The following GABRB2 variants were observed in gnomAD, a reference collection of about 807,000 sequenced individuals.
The protein encoded by GABRB2 is gamma-aminobutyric acid receptor subunit beta-2.
Under a neutral mutation model 54.7 loss-of-function variants are expected in GABRB2, and 16 were observed. The ratio of observed to expected loss-of-function variants is 0.29; its 90% confidence interval spans 0.20 to 0.44. GABRB2 has a LOEUF of 0.44. Among genes scored for constraint, GABRB2 ranks in the 20% least tolerant of loss-of-function variants. The probability of loss-of-function intolerance (pLI) is 1.00; values close to 1 mark genes in which losing one functional copy is unlikely to be tolerated. For synonymous variants in GABRB2, 244 were observed against 233.8 expected (o/e 1.04, Z -0.40); for missense variants, 355 against 644.0 (o/e 0.55, Z 4.86).
chr5:161,316,645 T>A (rs1459525698), intron 9 of GABRB2, among the ~76,000 whole-genome samples: 1 of 152,128 alleles, frequency 6.6e-6, no homozygotes, highest in African/African-American at 2.4e-5. Flanking sequence ...TCTCACTCTG[T>A]TGCCCAGGCT....
chr5:161,336,605 C>T (rs1345079929), intron 6 of GABRB2, 27 bp downstream of exon 6: 3 of 1,608,332 alleles, frequency 1.9e-6, no homozygotes, highest in Non-Finnish European at 2.5e-6. Flanking sequence ...AGATTATTTT[C>T]CCTTAACACT....
chr5:161,400,467 G>A (rs1170734417), intron 5 of GABRB2, among the ~76,000 whole-genome samples: 3 of 152,082 alleles, frequency 2.0e-5, no homozygotes, highest in Admixed American at 2.0e-4. Flanking sequence ...CCCACAGAGA[G>A]ATTTATAATA....
chr5:161,534,835 A>G (rs957316680), intron 3 of GABRB2, among the ~76,000 whole-genome samples: 1 of 152,192 alleles, frequency 6.6e-6, no homozygotes. Flanking sequence ...ACCACCTTTA[A>G]GAGAATCATA....
chr5:161,523,794 A>G lies in GABRB2; in HGVS notation c.237+21433T>C, dbSNP rs138874973. Among the ~76,000 whole-genome samples, 174 of 151,116 alleles carry G rather than the reference A, an allele frequency of 1.2e-3. 3 individuals are homozygous for G. The East Asian group carries it at 0.022, about 19-fold the overall frequency. On this transcript the variant is annotated intron_variant, in intron 3 of 9. Coordinates refer to ENST00000393959, the MANE Select transcript of GABRB2 (RefSeq NM_001371727.1). ...CATTGCTACACAGGATCTTATATAT[A>G]TACTGTAGGACTACTATGATCCTGC... is the stretch of plus-strand genomic sequence containing the variant.
At chr5:161,504,762 A>G (rs1561674630) in intron 3 of GABRB2, among the ~76,000 whole-genome samples, 1 of 152,008 alleles carries the variant, frequency 6.6e-6, no homozygotes, top group African/African-American at 2.4e-5. Context: ...GAATTAAAAA[A>G]AAAAGGTATA....
chr5:161,452,325 G>A (rs926179436), intron 4 of GABRB2, among the ~76,000 whole-genome samples: 3 of 152,176 alleles, frequency 2.0e-5, no homozygotes, highest in African/African-American at 7.2e-5. Flanking sequence ...AATGGGCTTA[G>A]GGAAGCTAGA....
intron 4 of GABRB2, among the ~76,000 whole-genome samples, chr5:161,446,994 C>T (rs568142150): frequency 1.2e-4 from 19 of 152,200 alleles, no homozygotes; most frequent in African/African-American, 4.6e-4. Context: ...TCATCTCCCT[C>T]TTATCCTGAT....
Position 161,540,256 on chromosome 5 carries a change from G to A in GABRB2, c.237+4971C>T, listed in dbSNP as rs191237605. On this transcript the variant is annotated intron_variant, in intron 3 of 9. Coordinates refer to ENST00000393959, the MANE Select transcript of GABRB2 (RefSeq NM_001371727.1). ...TGTTGTCACTTCAACAATGTTCACA[G>A]CGTCTTCACCAAAAGTAGATTCCAT... Among the ~76,000 whole-genome samples the A allele has an allele frequency of 1.7e-3, 262 of 152,346 alleles. 1 individual carries two copies. Among genetic ancestry groups the A allele is most frequent in the African/African-American group, 6.0e-3 (250 of 41,584 alleles).
intron 4 of GABRB2, among the ~76,000 whole-genome samples, chr5:161,415,920 T>TG (rs1756651228): frequency 7.2e-6 from 1 of 138,446 alleles, no homozygotes; most frequent in African/African-American, 2.9e-5. Flanking sequence ...GCCCCAAGTT[T>TG]GTTTTTGTTT....
intron 3 of GABRB2, among the ~76,000 whole-genome samples, chr5:161,539,636 G>T: frequency 6.6e-6 from 1 of 152,136 alleles, no homozygotes. Context: ...TAAGACAGCA[G>T]CTGGAGTGGA....
intron 3 of GABRB2, among the ~76,000 whole-genome samples, chr5:161,521,547 T>C (rs899976199): frequency 2.6e-5 from 4 of 151,972 alleles, no homozygotes. Flanking sequence ...ACACTTGTTA[T>C]GTTCACCTCA....
intron 3 of GABRB2, among the ~76,000 whole-genome samples, chr5:161,462,686 T>C (rs1758149184): frequency 6.6e-6 from 1 of 152,182 alleles, no homozygotes; most frequent in Admixed American, 6.5e-5. Context: ...ATTTCTGTTA[T>C]TTGTCAGCAA....
chr5:161,506,961 C>A (rs180826039), intron 3 of GABRB2, among the ~76,000 whole-genome samples: 1 of 152,074 alleles, frequency 6.6e-6, no homozygotes, highest in Non-Finnish European at 1.5e-5. Flanking sequence ...CACAGGAGAA[C>A]GTCTCCAGAA....
intron 6 of GABRB2, among the ~76,000 whole-genome samples, chr5:161,336,328 T>C (rs1009452171): frequency 6.6e-6 from 1 of 152,150 alleles, no homozygotes; most frequent in Non-Finnish European, 1.5e-5. Context: ...AATGTTATAA[T>C]GTTGGGGAAC....
At chr5:161,504,910 A>G (rs1759557976) in intron 3 of GABRB2, among the ~76,000 whole-genome samples, 2 of 152,078 alleles carry the variant, frequency 1.3e-5, no homozygotes, top group African/African-American at 2.4e-5. Flanking sequence ...AAGAAGAAAT[A>G]GTAAATATGA....
At chr5:161,507,767 G>T (rs1011359573) in intron 3 of GABRB2, among the ~76,000 whole-genome samples, 2 of 151,950 alleles carry the variant, frequency 1.3e-5, no homozygotes, top group Non-Finnish European at 2.9e-5. Flanking sequence ...AACAGCATTA[G>T]TCATCAGAGA....
intron 3 of GABRB2, among the ~76,000 whole-genome samples, chr5:161,535,981 A>T (rs1201898247): frequency 2.0e-5 from 3 of 152,094 alleles, no homozygotes; most frequent in South Asian, 4.1e-4. Context: ...GTACCAGGTG[A>T]TGTCTCTGCA....
chr5:161,485,237 T>C (rs74743362), intron 3 of GABRB2, among the ~76,000 whole-genome samples: 2 of 151,946 alleles, frequency 1.3e-5, no homozygotes, highest in African/African-American at 4.8e-5. Flanking sequence ...CAACAATTCA[T>C]ATTTCTCCTG....
At chr5:161,523,519 T>G (rs1341416814) in intron 3 of GABRB2, among the ~76,000 whole-genome samples, 1 of 151,350 alleles carries the variant, frequency 6.6e-6, no homozygotes, top group African/African-American at 2.4e-5. Flanking sequence ...ACATCTGAAA[T>G]TACAACAATT....
Sources: allele counts gnomAD v4.1 joint callset (sites outside exome capture counted in the v4.1 genomes callset), GRCh38; gene constraint gnomAD v4.1.1; transcripts MANE v1.5; gene names NCBI Gene and HGNC (gene_info 2026-07-23, HGNC 2026-07-21).